NBEA: variants seen among roughly 807,000 people sequenced by gnomAD.
NBEA encodes the protein neurobeachin.
In NBEA, 44 loss-of-function variants were observed where a neutral mutation model predicts 343.4. The observed-to-expected ratio is 0.13, with a 90% CI of 0.10 to 0.16. The LOEUF is 0.16. Among genes scored for constraint, NBEA ranks in the 10% least tolerant of loss-of-function variants. NBEA has a pLI of 1.00. For synonymous variants in NBEA, 1,175 were observed against 1,238.7 expected, an observed-to-expected ratio of 0.95 and a Z score of 1.08; for missense variants, 2,555 against 3,631.3, an observed-to-expected ratio of 0.70 and a Z score of 7.62.
At chr13:35,034,736 G>T (rs1050334426) in intron 1 of NBEA, among the ~76,000 whole-genome samples, 8 of 151,684 alleles carry the variant, frequency 5.3e-5, no homozygotes, top group African/African-American at 1.9e-4. Context: ...TCAGGTTTTG[G>T]ATTTCTTCCT....
At chr13:35,530,483 A>G (rs984014434) in intron 41 of NBEA, among the ~76,000 whole-genome samples, 3 of 152,230 alleles carry the variant, frequency 2.0e-5, no homozygotes, top group African/African-American at 7.2e-5. Context: ...TAAAAGCCCA[A>G]GCTGTAGGGG....
intron 1 of NBEA, among the ~76,000 whole-genome samples, chr13:34,987,395 A>T (rs959724537): frequency 6.6e-6 from 1 of 150,924 alleles, no homozygotes; most frequent in African/African-American, 2.4e-5. Context: ...CTTTGTGGGT[A>T]ACCCGACCTT....
intron 35 of NBEA, among the ~76,000 whole-genome samples, chr13:35,303,803 A>G (rs1046816179): frequency 8.6e-5 from 13 of 152,038 alleles, no homozygotes; most frequent in African/African-American, 3.1e-4. Context: ...TTTCAAACCT[A>G]TCTTTCTCTG....
intron 1 of NBEA, among the ~76,000 whole-genome samples, chr13:34,968,183 G>T (rs1281519911): frequency 6.6e-6 from 1 of 152,102 alleles, no homozygotes; most frequent in Non-Finnish European, 1.5e-5. Flanking sequence ...GAGCTTCCAT[G>T]CCCTTACTGG....
intron 13 of NBEA, among the ~76,000 whole-genome samples, chr13:35,114,795 T>C (rs2066412208): frequency 6.6e-6 from 1 of 152,206 alleles, no homozygotes; most frequent in African/African-American, 2.4e-5. Context: ...TACTTTAACA[T>C]TTTAATACTT....
At chr13:35,414,072 G>A (rs1219216006) in intron 38 of NBEA, among the ~76,000 whole-genome samples, 3 of 151,976 alleles carry the variant, frequency 2.0e-5, no homozygotes, top group African/African-American at 7.3e-5. Flanking sequence ...ATCTAAATTA[G>A]CCCTTCTTCA....
In NBEA at chr13:35,020,677, C is replaced by T. The variant is rs1252434794; in HGVS notation, c.295-20256C>T. ...GGACTACAGCTGCGTGCCACCACAC[C>T]CAGCTAATTTTCTTGTATTTTTAGT... is the stretch of plus-strand genomic sequence containing the variant. On this transcript the variant is annotated intron_variant, in intron 1 of 58. Transcript: ENST00000379939. Among the ~76,000 whole-genome samples, 6 of 152,100 alleles carry T rather than the reference C, an allele frequency of 3.9e-5. No individual in the cohort carries two copies. The East Asian group carries it at 1.2e-3, about 29-fold the overall frequency.
chr13:35,428,161 AC>A (rs1374154520), intron 38 of NBEA, among the ~76,000 whole-genome samples: 13 of 152,044 alleles, frequency 8.6e-5, no homozygotes, highest in Admixed American at 7.2e-4. Flanking sequence ...TGTCTGGCAC[AC>A]CCCAGTGAGA....
At chr13:35,078,525 A>G (rs563517945) in intron 10 of NBEA, among the ~76,000 whole-genome samples, 1 of 152,316 alleles carries the variant, frequency 6.6e-6, no homozygotes, top group South Asian at 2.1e-4. Flanking sequence ...GTCATATTCA[A>G]TCTGCTAGCC....
chr13:35,311,326 T>C (rs2037352309), intron 36 of NBEA, among the ~76,000 whole-genome samples: 1 of 151,276 alleles, frequency 6.6e-6, no homozygotes. Context: ...AAAATATATA[T>C]ATATATAAAA....
chr13:35,432,272 A>G lies in NBEA; in HGVS notation c.6183A>G (p.Gln2061=), dbSNP rs377133084. ...HGAWGAVSHS[Q]LHDFWRLDYW... ...CTTTTTTTCCCTCTACTCTTAGCCAATTGCATGATTTCTGGCGTTTGGATT... is the reference window on the plus strand; with the variant it reads ...CTTTTTTTCCCTCTACTCTTAGCCAGTTGCATGATTTCTGGCGTTTGGATT... Residue 2061 remains glutamine (Q), a synonymous_variant, in exon 39 of 59, where the codon CAA becomes CAG. Coordinates refer to ENST00000379939, the MANE Select transcript of NBEA (RefSeq NM_001385012.1). 9.4e-5 allele frequency: 150 copies of G among 1,598,384 alleles called. No homozygotes were observed. The highest frequency in any genetic ancestry group is 1.9e-4 in the African/African-American group (14 of 74,566).
intron 56 of NBEA, 46 bp downstream of exon 56, chr13:35,665,232 T>A (rs2153086978): frequency 7.1e-7 from 1 of 1,417,718 alleles, no homozygotes; most frequent in East Asian, 2.5e-5. Flanking sequence ...AGATGACTGT[T>A]TTCTCACACT....
intron 10 of NBEA, among the ~76,000 whole-genome samples, chr13:35,072,943 C>T (rs2063939883): frequency 6.6e-6 from 1 of 152,088 alleles, no homozygotes; most frequent in African/African-American, 2.4e-5. Context: ...TCCAGGCTAC[C>T]CTGTGATTTA....
chr13:35,023,692 A>G (rs941343817), intron 1 of NBEA, among the ~76,000 whole-genome samples: 1 of 152,328 alleles, frequency 6.6e-6, no homozygotes, highest in South Asian at 2.1e-4. Flanking sequence ...AAGGAAATAT[A>G]GAATAATGCA....
intron 45 of NBEA, among the ~76,000 whole-genome samples, chr13:35,574,169 C>T (rs1385953927): frequency 2.0e-5 from 3 of 151,860 alleles, no homozygotes; most frequent in Non-Finnish European, 4.4e-5. Flanking sequence ...TTGTGCTAAG[C>T]ATCTTACATG....
At chr13:34,947,638 A>C (rs966762856) in intron 1 of NBEA, among the ~76,000 whole-genome samples, 2 of 152,006 alleles carry the variant, frequency 1.3e-5, no homozygotes, top group Non-Finnish European at 2.9e-5. Context: ...TTCCCTTCCT[A>C]GGCTGTGAAC....
chr13:35,423,090 C>T (rs573376451), intron 38 of NBEA, among the ~76,000 whole-genome samples: 1 of 152,052 alleles, frequency 6.6e-6, no homozygotes, highest in African/African-American at 2.4e-5. Flanking sequence ...TTCTCCCATT[C>T]TGTAGGTTGT....
At chr13:35,343,929 T>C (rs183063111) in intron 36 of NBEA, among the ~76,000 whole-genome samples, 217 of 152,118 alleles carry the variant, frequency 1.4e-3, no homozygotes, top group Non-Finnish European at 2.7e-3. Context: ...ACTTGAATCA[T>C]CTCGAAACCA....
chr13:35,076,130 A>G (rs1175773480), intron 10 of NBEA, among the ~76,000 whole-genome samples: 1 of 151,812 alleles, frequency 6.6e-6, no homozygotes, highest in South Asian at 2.1e-4. Flanking sequence ...GTTTCCAAAA[A>G]CATTTAAAAT....
Sources: gnomAD v4.1 joint callset for allele counts (sites outside exome capture counted in the v4.1 genomes callset) on GRCh38, gnomAD v4.1.1 for gene constraint, MANE v1.5 for transcripts, NCBI Gene and HGNC (gene_info 2026-07-23, HGNC 2026-07-21) for gene names.